HIPK2: variants seen among roughly 807,000 people sequenced by gnomAD.
The protein encoded by HIPK2 is homeodomain-interacting protein kinase 2.
Under a neutral mutation model 113.7 loss-of-function variants are expected in HIPK2, and 27 were observed. The observed-to-expected ratio is 0.24, with a 90% CI of 0.17 to 0.33. The LOEUF (loss-of-function observed/expected upper bound fraction) is 0.33. Among genes scored for constraint, HIPK2 ranks in the 10% least tolerant of loss-of-function variants. The pLI, the probability that HIPK2 is intolerant of heterozygous loss-of-function variation, is 1.00. For synonymous variants in HIPK2, 631 were observed against 642.2 expected (o/e 0.98, Z 0.26); for missense variants, 1,257 against 1,588.0 (o/e 0.79, Z 3.54).
intron 6 of HIPK2, among the ~76,000 whole-genome samples, chr7:139,622,638 C>T (rs1343074945): frequency 6.6e-6 from 1 of 152,100 alleles, no homozygotes; most frequent in East Asian, 1.9e-4. Context: ...CCTAGTAATC[C>T]AGTAGCTGTG....
rs950014212 is a variant in HIPK2, at chr7:139,613,315, C to T, written c.1999G>A (p.Ala667Thr). The T allele has an allele frequency of 1.2e-6, 2 of 1,613,290 alleles. No homozygotes were observed. The change falls in exon 9 of 15, where the codon GCC (alanine) becomes ACC (threonine). Residue 667 changes from alanine to threonine, a missense_variant. By Grantham distance (58) the Ala-to-Thr change is moderately conservative. Around this residue, in one of 5 missense-constraint regions of HIPK2, gnomAD observed 862 missense variants for 1,004.3 expected, o/e 0.86. Transcript: ENST00000406875. This position sits in a 1 kb window ranked among gnomAD's most constrained non-coding sequence, Gnocchi z 4.2. Reference protein sequence around the residue: ...VCPPGFQGLQASPSKHAGYSV... With the variant: ...VCPPGFQGLQTSPSKHAGYSV... The stretch of plus-strand genomic sequence containing the variant: ...TAGCCAGCGTGCTTAGAGGGAGAGG[C>T]CTGCAAGCCTGTTCCAGACAGTGTG...
At chr7:139,693,291 T>C (rs550783575) in intron 2 of HIPK2, among the ~76,000 whole-genome samples, 1 of 152,366 alleles carries the variant, frequency 6.6e-6, no homozygotes, top group East Asian at 1.9e-4. Context: ...GTTAGAATTT[T>C]AACTCAATGA....
chr7:139,626,385 G>A (rs971560455), intron 6 of HIPK2, among the ~76,000 whole-genome samples: 1 of 151,888 alleles, frequency 6.6e-6, no homozygotes, highest in Non-Finnish European at 1.5e-5. Flanking sequence ...TTACAGGCAT[G>A]AGACACCACG....
At chr7:139,641,573 G>A (rs1406795631) in intron 2 of HIPK2, among the ~76,000 whole-genome samples, 2 of 152,192 alleles carry the variant, frequency 1.3e-5, no homozygotes, top group Admixed American at 1.3e-4. Flanking sequence ...CCAGGCTAGA[G>A]GTCAGAGTGA....
intron 1 of HIPK2, among the ~76,000 whole-genome samples, chr7:139,718,824 C>A (rs1009670505): frequency 6.6e-5 from 10 of 152,134 alleles, no homozygotes; most frequent in African/African-American, 2.4e-4. Flanking sequence ...CGCATTCCCC[C>A]CTCTTAATTC....
chr7:139,691,804 G>A (rs1794412128), intron 2 of HIPK2, among the ~76,000 whole-genome samples: 1 of 152,230 alleles, frequency 6.6e-6, no homozygotes, highest in Non-Finnish European at 1.5e-5. Flanking sequence ...CTGCTCTGAT[G>A]ATTAAATGAA....
At chr7:139,672,807 A>G (rs1802351536) in intron 2 of HIPK2, among the ~76,000 whole-genome samples, 2 of 152,200 alleles carry the variant, frequency 1.3e-5, no homozygotes, top group Non-Finnish European at 2.9e-5. Flanking sequence ...GAATCACTGA[A>G]CCAGAATCAT....
At chr7:139,712,375 T>C (rs1442195360) in intron 2 of HIPK2, among the ~76,000 whole-genome samples, 1 of 152,176 alleles carries the variant, frequency 6.6e-6, no homozygotes, top group East Asian at 1.9e-4. Flanking sequence ...GTGGGGACAA[T>C]GGTGGGATGA....
chr7:139,770,945 T>C (rs1796639621), intron 1 of HIPK2, among the ~76,000 whole-genome samples: 1 of 152,248 alleles, frequency 6.6e-6, no homozygotes, highest in South Asian at 2.1e-4. Flanking sequence ...TTTTCTTTTT[T>C]GGCAATGATT....
In HIPK2 at chr7:139,703,317, T is replaced by A. The variant is rs973381278; in HGVS notation, c.1103+12615A>T. On this transcript the variant is annotated intron_variant, in intron 2 of 14. Coordinates refer to ENST00000406875, the MANE Select transcript of HIPK2 (RefSeq NM_022740.5). ...ACCTCCCGCTGCTGCTCAGGGTGAA[T>A]GTTTGACTTTCACAAGTGCGGACAT... 6.4e-3 allele frequency among the ~76,000 whole-genome samples: 967 copies of A among 152,278 alleles called. 13 individuals carry two copies. The highest frequency in any genetic ancestry group is 0.021 in the African/African-American group (864 of 41,534).
chr7:139,584,940 T>C (rs1468192838), intron 12 of HIPK2, among the ~76,000 whole-genome samples: 1 of 152,202 alleles, frequency 6.6e-6, no homozygotes, highest in East Asian at 1.9e-4. Context: ...GGCCGGCATG[T>C]TTGTTCAGAG....
intron 2 of HIPK2, among the ~76,000 whole-genome samples, chr7:139,659,260 G>A (rs752828148): frequency 2.0e-4 from 31 of 152,160 alleles, no homozygotes; most frequent in East Asian, 3.9e-4. Flanking sequence ...TCCCTGCCAC[G>A]CATCACAATT....
chr7:139,649,248 G>T (rs1039398327), intron 2 of HIPK2, among the ~76,000 whole-genome samples: 32 of 152,212 alleles, frequency 2.1e-4, no homozygotes, highest in African/African-American at 7.2e-4. Context: ...CACTGCTGCG[G>T]CGGGTGGCTG....
intron 7 of HIPK2, 64 bp from the exon 8 acceptor site, chr7:139,614,557 T>C: frequency 9.9e-7 from 1 of 1,006,460 alleles, no homozygotes. Flanking sequence ...GGTGGCATGT[T>C]GGGAGACACG....
Position 139,564,202 on chromosome 7 carries a change from GA to G in HIPK2, c.*8724del. ...TTTACATTGATTTTGCTTTTAAGGG[GA>G]AAACGAATAAATGACAGCAGATATA... On this transcript the variant is annotated 3_prime_UTR_variant, in exon 15 of 15. Coordinates refer to ENST00000406875, the MANE Select transcript of HIPK2 (RefSeq NM_022740.5). 2.8e-6 allele frequency: 1 copy of G among 359,098 alleles called. No individual in the cohort carries two copies. Among genetic ancestry groups the G allele is most frequent in the Non-Finnish European group, 4.9e-6 (1 of 202,308 alleles). The allele number at this position is 359,098 out of a possible 1,614,324, so 22.2% of individuals were successfully genotyped here. A position where few individuals can be genotyped will look rare whatever the true frequency, so the allele number is the denominator to read the frequency against.
intron 2 of HIPK2, among the ~76,000 whole-genome samples, chr7:139,687,033 C>G (rs1201521561): frequency 6.6e-6 from 1 of 152,188 alleles, no homozygotes; most frequent in Non-Finnish European, 1.5e-5. Context: ...CTCCAACCAG[C>G]AAAAAGATTA....
chr7:139,666,263 G>A (rs551623569), intron 2 of HIPK2, among the ~76,000 whole-genome samples: 1 of 152,260 alleles, frequency 6.6e-6, no homozygotes, highest in African/African-American at 2.4e-5. Flanking sequence ...TTAAAATGAG[G>A]GAGGAATGTC....
chr7:139,566,793 A>AAAT lies in HIPK2; in HGVS notation c.*6131_*6133dup, dbSNP rs1798103039. The AAAT allele has an allele frequency of 6.6e-6, 1 of 152,216 alleles. No individual in the cohort carries two copies. The highest frequency in any genetic ancestry group is 1.5e-5 in the Non-Finnish European group (1 of 68,042). The allele number at this position is 152,216 out of a possible 1,614,324, so 9.4% of individuals were successfully genotyped here. On this transcript the variant is annotated 3_prime_UTR_variant, in exon 15 of 15. Transcript: ENST00000406875. This position sits in a 1 kb window ranked among gnomAD's most constrained non-coding sequence, Gnocchi z 4.1. ...CTTGAGAGATATTGCAAATTTTAAC[A>AAAT]AATAAGGGACAGTCAGTGTCATGTT...
intron 2 of HIPK2, among the ~76,000 whole-genome samples, chr7:139,687,828 T>C (rs757094625): frequency 9.2e-5 from 14 of 152,288 alleles, no homozygotes; most frequent in Admixed American, 1.3e-4. Flanking sequence ...TTGTGCTTAA[T>C]AATATTCTGG....
Sources: gnomAD v4.1 joint callset for allele counts (sites outside exome capture counted in the v4.1 genomes callset) on GRCh38, gnomAD v4.1.1 for gene constraint, gnomAD v4.1.1 regional missense constraint, Gnocchi (gnomAD v3.1) non-coding constraint, MANE v1.5 for transcripts, NCBI Gene and HGNC (gene_info 2026-07-23, HGNC 2026-07-21) for gene names.